Variants in DROSHA observed in about 807,000 individuals in gnomAD.
The protein encoded by DROSHA is ribonuclease 3.
A neutral mutation model predicts 181.9 loss-of-function variants in DROSHA; 56 were observed. The observed-to-expected ratio is 0.31, with a 90% CI of 0.25 to 0.38. DROSHA has a LOEUF of 0.38. Among genes scored for constraint, DROSHA ranks in the 10% least tolerant of loss-of-function variants. The probability of loss-of-function intolerance (pLI) is 1.00; values close to 1 mark genes in which losing one functional copy is unlikely to be tolerated. For synonymous variants in DROSHA, 524 were observed against 591.2 expected, an observed-to-expected ratio of 0.89 and a Z score of 1.65; for missense variants, 1,218 against 1,743.5, an observed-to-expected ratio of 0.70 and a Z score of 5.37.
chr5:31,510,586 C>CTTA (rs981167994), intron 9 of DROSHA, among the ~76,000 whole-genome samples: 14 of 152,228 alleles, frequency 9.2e-5, no homozygotes, highest in African/African-American at 3.4e-4. Flanking sequence ...AATAGACCAC[C>CTTA]TTATGAAAAA....
At chr5:31,516,413 C>G (rs1739276606) in intron 6 of DROSHA, among the ~76,000 whole-genome samples, 1 of 152,170 alleles carries the variant, frequency 6.6e-6, no homozygotes, top group African/African-American at 2.4e-5. Flanking sequence ...TTACTACTAT[C>G]CATGTAAGTT....
intron 16 of DROSHA, among the ~76,000 whole-genome samples, chr5:31,479,592 T>C (rs1750782937): frequency 6.6e-6 from 1 of 152,102 alleles, no homozygotes; most frequent in Non-Finnish European, 1.5e-5. Context: ...AAGGAATATA[T>C]ATCTATAAAT....
chr5:31,428,462 T>G (rs1224477018), intron 27 of DROSHA, among the ~76,000 whole-genome samples: 1 of 152,198 alleles, frequency 6.6e-6, no homozygotes, highest in Non-Finnish European at 1.5e-5. Context: ...CAAATCAAGA[T>G]GCACATGTGT....
chr5:31,436,793 CACACTA>C (rs1460737410), intron 24 of DROSHA, among the ~76,000 whole-genome samples: 13 of 124,192 alleles, frequency 1.0e-4, no homozygotes, highest in African/African-American at 3.1e-5. Flanking sequence ...CACACACACA[CACACTA>C]GAAAATCTGG....
At chr5:31,410,982 T>C in intron 30 of DROSHA, 95 bp from the exon 31 acceptor site, 1 of 1,536,040 alleles carries the variant, frequency 6.5e-7, no homozygotes, top group Non-Finnish European at 8.8e-7. Context: ...AGGCTGTCAC[T>C]GACAGGGACA....
rs920083645 is a variant in DROSHA at position 31,464,010 on chromosome 5, C to T, written c.2574+226G>A. The T allele has an allele frequency of 8.0e-5, 43 of 539,710 alleles. 1 individual carries two copies. Among genetic ancestry groups the T allele is most frequent in the Admixed American group, 3.3e-5 (1 of 30,156 alleles). The allele number at this position is 539,710 out of a possible 1,614,324, so 33.4% of individuals were successfully genotyped here. On this transcript the variant is annotated intron_variant, in intron 20 of 35. Coordinates refer to ENST00000344624, the MANE Select transcript of DROSHA (RefSeq NM_001382508.1). ...GAACTGAACACTACTAAGTAAGCTT[C>T]TCCCTGCCCCAGCACCCACAAATAC...
chr5:31,467,241 T>A (rs1749158095), intron 18 of DROSHA: 1 of 151,744 alleles, frequency 6.6e-6, no homozygotes, highest in Non-Finnish European at 1.5e-5. Context: ...GAACTGTATT[T>A]ATGAATTGAA....
chr5:31,520,551 A>C (rs751342966), intron 6 of DROSHA, among the ~76,000 whole-genome samples: 2 of 152,194 alleles, frequency 1.3e-5, no homozygotes, highest in Non-Finnish European at 2.9e-5. Context: ...AAGAAGGTAC[A>C]TATAACTGTC....
At chr5:31,501,766 T>A (rs1486907631) in intron 11 of DROSHA, among the ~76,000 whole-genome samples, 1 of 152,132 alleles carries the variant, frequency 6.6e-6, no homozygotes, top group African/African-American at 2.4e-5. Flanking sequence ...GAAATGAGGA[T>A]CAGAATGGTT....
intron 13 of DROSHA, among the ~76,000 whole-genome samples, chr5:31,492,296 T>C (rs1752518009): frequency 6.6e-6 from 1 of 152,230 alleles, no homozygotes. Flanking sequence ...TATGGAATCA[T>C]ATCTACTTAC....
chr5:31,406,371 A>G (rs889562352), intron 34 of DROSHA, among the ~76,000 whole-genome samples: 1 of 152,062 alleles, frequency 6.6e-6, no homozygotes, highest in African/African-American at 2.4e-5. Flanking sequence ...ATTAGCAGGC[A>G]TGGTGGCACA....
At chr5:31,499,852 G>C (rs553857550) in intron 11 of DROSHA, among the ~76,000 whole-genome samples, 12 of 152,278 alleles carry the variant, frequency 7.9e-5, no homozygotes, top group Admixed American at 2.6e-4. Context: ...TATAACAGCA[G>C]AGGAGGAGAA....
rs1025017223 is a variant in DROSHA at position 31,506,397 on chromosome 5, G to A, written c.1588-1762C>T. ...AAAAAACTTATAACACACTCCTAAGGCCAGGTGCAATAGCTCATGCCTGTA... is the reference window on the plus strand; with the variant it reads ...AAAAAACTTATAACACACTCCTAAGACCAGGTGCAATAGCTCATGCCTGTA... On this transcript the variant is annotated intron_variant, in intron 10 of 35. Transcript: ENST00000344624. 1.1e-4 allele frequency among the ~76,000 whole-genome samples: 16 copies of A among 150,244 alleles called. No homozygotes were observed. In the East Asian group the frequency reaches 3.2e-3, roughly 30 times the overall value.
chr5:31,484,231 G>A (rs1427597370), intron 15 of DROSHA, among the ~76,000 whole-genome samples: 2 of 151,766 alleles, frequency 1.3e-5, no homozygotes, highest in Admixed American at 6.6e-5. Context: ...AAAATTAGCC[G>A]GGCGTAGTGG....
chr5:31,489,429 T>C (rs940616475), intron 13 of DROSHA, among the ~76,000 whole-genome samples: 2 of 152,180 alleles, frequency 1.3e-5, no homozygotes, highest in Non-Finnish European at 2.9e-5. Flanking sequence ...ACCAGAGCCC[T>C]TCTCAGACAC....
intron 20 of DROSHA, among the ~76,000 whole-genome samples, chr5:31,462,491 A>G (rs1748513938): frequency 6.6e-6 from 1 of 152,114 alleles, no homozygotes; most frequent in Non-Finnish European, 1.5e-5. Flanking sequence ...GAAACAGAAT[A>G]TAGCATATCA....
intron 9 of DROSHA, 25 bp from the exon 10 acceptor site, chr5:31,508,800 C>G: frequency 6.3e-7 from 1 of 1,590,772 alleles, no homozygotes. Flanking sequence ...GAGAAAAATA[C>G]AGAAATTGAT....
intron 16 of DROSHA, among the ~76,000 whole-genome samples, chr5:31,473,066 ACAAAG>A (rs1477104487): frequency 4.6e-5 from 7 of 152,096 alleles, no homozygotes; most frequent in African/African-American, 1.7e-4. Context: ...ACCCAACCAA[ACAAAG>A]GACAAGAGCC....
Position 31,528,204 on chromosome 5 carries a change from G to A in DROSHA, c.20+836C>T, listed in dbSNP as rs142036663. On this transcript the variant is annotated intron_variant, in intron 4 of 35. Transcript: ENST00000344624. ...CAAAGTGATGCTACTCACCTGCACT[G>A]CTTCAATTGACATCAATCTGTCAGA... Among the ~76,000 whole-genome samples the A allele has an allele frequency of 4.6e-3, 695 of 152,174 alleles. 9 individuals are homozygous for A. The highest frequency in any genetic ancestry group is 5.5e-3 in the Non-Finnish European group (373 of 68,024).
Sources: gnomAD v4.1 joint callset for allele counts (sites outside exome capture counted in the v4.1 genomes callset) on GRCh38, gnomAD v4.1.1 for gene constraint, MANE v1.5 for transcripts, NCBI Gene and HGNC (gene_info 2026-07-23, HGNC 2026-07-21) for gene names.